The following NPAS3 variants were observed in gnomAD, a reference collection of about 807,000 sequenced individuals.
NPAS3 encodes neuronal PAS domain protein 3.
NPAS3 carries 14 observed loss-of-function variants against 73.1 expected under a neutral mutation model. That is an observed-to-expected ratio of 0.19 (90% CI 0.13 to 0.30). The LOEUF (loss-of-function observed/expected upper bound fraction) is 0.30. Ranked by LOEUF, NPAS3 falls within the 10% of genes least tolerant of loss-of-function variation. The pLI is 1.00. For missense variants in NPAS3, 1,096 were observed against 1,250.0 expected (o/e 0.88, Z 1.86); for synonymous variants, 620 against 541.5 (o/e 1.14, Z -2.01).
At chr14:33,475,916 G>A (rs1214306220) in intron 4 of NPAS3, among the ~76,000 whole-genome samples, 1 of 152,158 alleles carries the variant, frequency 6.6e-6, no homozygotes, top group Non-Finnish European at 1.5e-5. Context: ...CTGCCTTCCA[G>A]AGAAGGACCA....
intron 3 of NPAS3, among the ~76,000 whole-genome samples, chr14:33,313,000 A>G (rs2043065092): frequency 6.6e-6 from 1 of 152,034 alleles, no homozygotes; most frequent in Admixed American, 6.6e-5. Flanking sequence ...ATTGGGAATT[A>G]TGGAACTTGC....
chr14:33,757,032 G>A (rs967218051), intron 7 of NPAS3, among the ~76,000 whole-genome samples: 5 of 152,236 alleles, frequency 3.3e-5, no homozygotes, highest in Non-Finnish European at 7.3e-5. Flanking sequence ...GGTCTGAAAG[G>A]TGATGTGAGA....
At chr14:33,630,208 C>T (rs564274672) in intron 5 of NPAS3, among the ~76,000 whole-genome samples, 9 of 152,242 alleles carry the variant, frequency 5.9e-5, no homozygotes, top group East Asian at 1.9e-4. Flanking sequence ...TGAAAGTCTA[C>T]GGGATTTTGA....
At chr14:33,342,508 T>C (rs1432801941) in intron 3 of NPAS3, among the ~76,000 whole-genome samples, 6 of 152,256 alleles carry the variant, frequency 3.9e-5, no homozygotes, top group Admixed American at 3.9e-4. Context: ...CCTTTCCACA[T>C]GGCAACCTGC....
intron 4 of NPAS3, among the ~76,000 whole-genome samples, chr14:33,516,105 T>C (rs949104586): frequency 3.3e-5 from 5 of 151,736 alleles, no homozygotes; most frequent in Admixed American, 6.6e-5. Flanking sequence ...TAAAGCCCAT[T>C]TTACAGATGA....
chr14:33,726,242 A>G (rs1009263070), intron 6 of NPAS3, among the ~76,000 whole-genome samples: 1 of 152,192 alleles, frequency 6.6e-6, no homozygotes, highest in African/African-American at 2.4e-5. Context: ...ACTTGCCAAT[A>G]CCAGTGGGTA....
At chr14:33,668,906 TCAAAGGAGGAGGACAAAA>T (rs1257264869) in intron 5 of NPAS3, among the ~76,000 whole-genome samples, 11 of 152,202 alleles carry the variant, frequency 7.2e-5, no homozygotes, top group African/African-American at 2.7e-4. Flanking sequence ...ATTCATGCAA[TCAAAGGAGGAGGACAAAA>T]TTCGCTATGA....
chr14:33,446,483 CT>C (rs1306055173), intron 4 of NPAS3, among the ~76,000 whole-genome samples: 2 of 152,216 alleles, frequency 1.3e-5, no homozygotes, highest in Non-Finnish European at 2.9e-5. Context: ...CCACTTCATG[CT>C]TTCTAATAAG....
At chr14:33,758,975 A>G (rs1455038876) in intron 7 of NPAS3, among the ~76,000 whole-genome samples, 1 of 152,274 alleles carries the variant, frequency 6.6e-6, no homozygotes, top group Non-Finnish European at 1.5e-5. Flanking sequence ...CAATCAATTA[A>G]TAAATGTTAA....
At chr14:32,967,169 A>G (rs1410681836) in intron 1 of NPAS3, among the ~76,000 whole-genome samples, 1 of 152,184 alleles carries the variant, frequency 6.6e-6, no homozygotes, top group East Asian at 1.9e-4. Flanking sequence ...TCCTCAGCCT[A>G]CTCAATGAAA....
intron 4 of NPAS3, among the ~76,000 whole-genome samples, chr14:33,385,013 C>T (rs1457443669): frequency 2.6e-5 from 4 of 152,096 alleles, no homozygotes; most frequent in African/African-American, 4.8e-5. Context: ...GGAAAGCTGG[C>T]GCAGGTGAGC....
chr14:33,416,183 A>G (rs1367673825), intron 4 of NPAS3, among the ~76,000 whole-genome samples: 1 of 152,120 alleles, frequency 6.6e-6, no homozygotes, highest in Non-Finnish European at 1.5e-5. Context: ...CTTAGGCTTT[A>G]GCATGCACAA....
intron 3 of NPAS3, among the ~76,000 whole-genome samples, chr14:33,279,189 G>A (rs2041474662): frequency 6.6e-6 from 1 of 152,072 alleles, no homozygotes; most frequent in African/African-American, 2.4e-5. Context: ...TCATGCTGGT[G>A]GTTCCGGGAC....
intron 5 of NPAS3, among the ~76,000 whole-genome samples, chr14:33,664,890 C>T (rs543079125): frequency 1.8e-4 from 28 of 152,288 alleles, no homozygotes; most frequent in South Asian, 6.2e-4. Context: ...GAGATAGGAA[C>T]GCTTTTACAC....
intron 4 of NPAS3, among the ~76,000 whole-genome samples, chr14:33,385,431 T>C (rs1197249127): frequency 6.6e-6 from 1 of 152,192 alleles, no homozygotes; most frequent in African/African-American, 2.4e-5. Context: ...ACCCTATGTT[T>C]CTATTCAATG....
chr14:33,527,128 C>A (rs1373298247), intron 4 of NPAS3, among the ~76,000 whole-genome samples: 1 of 152,128 alleles, frequency 6.6e-6, no homozygotes, highest in African/African-American at 2.4e-5. Context: ...GCTACCAGTG[C>A]TAGACAGCAT....
chr14:33,396,196 G>C (rs540279417), intron 4 of NPAS3, among the ~76,000 whole-genome samples: 2 of 152,284 alleles, frequency 1.3e-5, no homozygotes, highest in South Asian at 4.1e-4. Context: ...TATAATGAAG[G>C]CTGAGTCTCA....
In NPAS3 at chr14:33,288,713, A is replaced by T. The variant is rs541088514; in HGVS notation, c.385+73287A>T. Among the ~76,000 whole-genome samples, 4 of 152,190 alleles carry T rather than the reference A, an allele frequency of 2.6e-5. No homozygotes were observed. The South Asian group carries it at 8.3e-4, about 32-fold the overall frequency. ...GTTTTTGGGGCTACTTGTTGGTTACATGTGTGTACATTTTCTAAAATGAAT... is the reference window on the plus strand; with the variant it reads ...GTTTTTGGGGCTACTTGTTGGTTACTTGTGTGTACATTTTCTAAAATGAAT... On this transcript the variant is annotated intron_variant, in intron 3 of 11. Coordinates refer to ENST00000356141, the Ensembl canonical transcript of NPAS3.
At chr14:33,786,098 G>T (rs981257299) in intron 9 of NPAS3, among the ~76,000 whole-genome samples, 1 of 152,162 alleles carries the variant, frequency 6.6e-6, no homozygotes, top group Non-Finnish European at 1.5e-5. Flanking sequence ...ACTGTATCTG[G>T]CTTAAACAAT....
Sources: gnomAD v4.1 joint callset for allele counts (sites outside exome capture counted in the v4.1 genomes callset) on GRCh38, gnomAD v4.1.1 for gene constraint, MANE v1.5 for transcripts, NCBI Gene and HGNC (gene_info 2026-07-23, HGNC 2026-07-21) for gene names.